PPP1R9A: variants seen among roughly 807,000 people sequenced by gnomAD.
PPP1R9A encodes the protein neurabin-1.
A neutral mutation model predicts 141.9 loss-of-function variants in PPP1R9A; 59 were observed. The observed-to-expected ratio is 0.42, with a 90% CI of 0.34 to 0.52. The LOEUF (loss-of-function observed/expected upper bound fraction) is 0.52. Ranked by LOEUF, PPP1R9A falls within the 20% of genes least tolerant of loss-of-function variation. The probability of loss-of-function intolerance (pLI) is 0.10; values close to 1 mark genes in which losing one functional copy is unlikely to be tolerated. For synonymous variants in PPP1R9A, 500 were observed against 569.7 expected, an observed-to-expected ratio of 0.88 and a Z score of 1.74; for missense variants, 1,444 against 1,611.9, an observed-to-expected ratio of 0.90 and a Z score of 1.78.
intron 2 of PPP1R9A, among the ~76,000 whole-genome samples, chr7:95,076,017 T>C (rs1380724375): frequency 6.6e-6 from 1 of 152,156 alleles, no homozygotes; most frequent in Non-Finnish European, 1.5e-5. Flanking sequence ...GAGAACACCT[T>C]CACAAATGGA....
At chr7:95,012,788 A>T (rs905399962) in intron 2 of PPP1R9A, among the ~76,000 whole-genome samples, 3 of 152,188 alleles carry the variant, frequency 2.0e-5, no homozygotes, top group African/African-American at 7.2e-5. Flanking sequence ...TAGAAATTTT[A>T]GGGAAGTAGA....
At chr7:95,248,076 G>T (rs941024642) in intron 9 of PPP1R9A, among the ~76,000 whole-genome samples, 4 of 150,902 alleles carry the variant, frequency 2.7e-5, no homozygotes, top group African/African-American at 9.8e-5. Flanking sequence ...TGATAAAAGG[G>T]AGTATGTATT....
intron 5 of PPP1R9A, among the ~76,000 whole-genome samples, chr7:95,185,799 C>G (rs1487468935): frequency 2.0e-5 from 3 of 152,042 alleles, no homozygotes; most frequent in African/African-American, 7.2e-5. Flanking sequence ...TTCCCCACTT[C>G]ATGTTTTTGT....
chr7:95,030,927 C>T (rs972825423), intron 2 of PPP1R9A, among the ~76,000 whole-genome samples: 5 of 152,116 alleles, frequency 3.3e-5, no homozygotes, highest in Non-Finnish European at 5.9e-5. Context: ...CCTGGGGTTT[C>T]GCTCTTTAGT....
intron 2 of PPP1R9A, among the ~76,000 whole-genome samples, chr7:94,921,982 G>A (rs1278711698): frequency 6.6e-6 from 1 of 151,800 alleles, no homozygotes; most frequent in Admixed American, 6.6e-5. Flanking sequence ...AAAAAGAAGG[G>A]CTGGGCCCGA....
chr7:95,274,663 A>G (rs1802834080), intron 16 of PPP1R9A, among the ~76,000 whole-genome samples: 1 of 152,162 alleles, frequency 6.6e-6, no homozygotes, highest in South Asian at 2.1e-4. Context: ...GGCACTGTCA[A>G]CTATGCTTAG....
rs182119351 is a variant in PPP1R9A at position 95,233,747 on chromosome 7, A to G, written c.2112+7631A>G. On this transcript the variant is annotated intron_variant, in intron 8 of 19. Coordinates refer to ENST00000433360, the MANE Select transcript of PPP1R9A (RefSeq NM_001166160.2). Reference sequence around the variant, plus strand: ...CAAAAAAAGAAAACTACAGACCAACATCCCTGATGAACATGGGTGCAGAAA... The same window carrying G: ...CAAAAAAAGAAAACTACAGACCAACGTCCCTGATGAACATGGGTGCAGAAA... Among the ~76,000 whole-genome samples, 22 of 152,280 alleles carry G rather than the reference A, an allele frequency of 1.4e-4. No homozygotes were observed. The East Asian group carries it at 4.1e-3, about 28-fold the overall frequency.
intron 2 of PPP1R9A, among the ~76,000 whole-genome samples, chr7:95,032,784 G>A (rs960535468): frequency 4.1e-4 from 62 of 152,152 alleles, no homozygotes; most frequent in African/African-American, 1.4e-3. Context: ...GTGTAAAACT[G>A]TCTTATATTG....
At chr7:95,275,136 G>A (rs190450147) in intron 16 of PPP1R9A, among the ~76,000 whole-genome samples, 1 of 152,274 alleles carries the variant, frequency 6.6e-6, no homozygotes, top group Admixed American at 6.5e-5. Context: ...GGCAAGGCTT[G>A]GTGGCCCACA....
intron 2 of PPP1R9A, among the ~76,000 whole-genome samples, chr7:94,917,958 A>G (rs1026046394): frequency 5.9e-5 from 9 of 152,218 alleles, no homozygotes; most frequent in Admixed American, 5.9e-4. Context: ...AAACAAGTTT[A>G]GGAATTTTCA....
chr7:95,048,025 G>C (rs1008206401), intron 2 of PPP1R9A, among the ~76,000 whole-genome samples: 4 of 152,016 alleles, frequency 2.6e-5, no homozygotes, highest in African/African-American at 9.7e-5. Flanking sequence ...ATTTTAAAAA[G>C]GAATAGCTGT....
At chr7:94,967,795 T>C (rs1798380353) in intron 2 of PPP1R9A, among the ~76,000 whole-genome samples, 1 of 152,172 alleles carries the variant, frequency 6.6e-6, no homozygotes, top group Admixed American at 6.5e-5. Context: ...TGATTTCCAT[T>C]CTTTTACATT....
At chr7:94,955,413 C>T (rs1796978871) in intron 2 of PPP1R9A, among the ~76,000 whole-genome samples, 1 of 152,048 alleles carries the variant, frequency 6.6e-6, no homozygotes, top group African/African-American at 2.4e-5. Context: ...TCAAGAATAA[C>T]CTGTAGGAGA....
chr7:95,037,911 C>G (rs868860610), intron 2 of PPP1R9A, among the ~76,000 whole-genome samples: 1 of 150,466 alleles, frequency 6.6e-6, no homozygotes, highest in South Asian at 2.1e-4. Flanking sequence ...TTGAGACCAG[C>G]CTGGGCAATA....
At chr7:95,019,751 T>TTA (rs35691222) in intron 2 of PPP1R9A, among the ~76,000 whole-genome samples, 2,036 of 152,256 alleles carry the variant, frequency 0.013, 46 homozygotes, top group African/African-American at 0.047. Flanking sequence ...CAACTGGAAA[T>TTA]TATATATATC....
chr7:95,228,384 T>A (rs1470981407), intron 8 of PPP1R9A, among the ~76,000 whole-genome samples: 1 of 152,192 alleles, frequency 6.6e-6, no homozygotes, highest in Admixed American at 6.5e-5. Context: ...TTGTATGATA[T>A]AAGACATGTA....
intron 12 of PPP1R9A, among the ~76,000 whole-genome samples, chr7:95,264,208 A>G (rs528293583): frequency 6.6e-6 from 1 of 152,324 alleles, no homozygotes; most frequent in African/African-American, 2.4e-5. Flanking sequence ...TGATATGCAG[A>G]TACTGTTCAA....
chr7:95,000,544 A>G (rs1007832664), intron 2 of PPP1R9A, among the ~76,000 whole-genome samples: 15 of 150,896 alleles, frequency 9.9e-5, no homozygotes, highest in Non-Finnish European at 2.1e-4. Context: ...TTTTTCCTTT[A>G]TTTTTTTCCT....
chr7:95,127,735 A>T (rs1234503187), intron 4 of PPP1R9A, among the ~76,000 whole-genome samples: 2 of 151,900 alleles, frequency 1.3e-5, no homozygotes, highest in South Asian at 4.1e-4. Flanking sequence ...ATTACCCAGG[A>T]TTTAGCTCCC....
Sources: allele counts gnomAD v4.1 joint callset (sites outside exome capture counted in the v4.1 genomes callset), GRCh38; gene constraint gnomAD v4.1.1; transcripts MANE v1.5; gene names NCBI Gene and HGNC (gene_info 2026-07-23, HGNC 2026-07-21).